Variants in ADAMTS3 observed in about 807,000 individuals in gnomAD.
ADAMTS3 encodes A disintegrin and metalloproteinase with thrombospondin motifs 3.
Under a neutral mutation model 129.0 loss-of-function variants are expected in ADAMTS3, and 73 were observed. The ratio of observed to expected loss-of-function variants is 0.57; its 90% CI spans 0.47 to 0.69. The LOEUF (loss-of-function observed/expected upper bound fraction) is 0.69, where lower values mean the gene tolerates loss of function less well. Ranked by LOEUF, ADAMTS3 falls within the 30% of genes least tolerant of loss-of-function variation. The probability of loss-of-function intolerance (pLI) is 0.00; values close to 1 mark genes in which losing one functional copy is unlikely to be tolerated. For synonymous variants in ADAMTS3, 477 were observed against 510.8 expected, an observed-to-expected ratio of 0.93 and a Z score of 0.89; for missense variants, 1,457 against 1,514.5, an observed-to-expected ratio of 0.96 and a Z score of 0.63.
At chr4:72,422,069 A>C (rs1722460831) in intron 3 of ADAMTS3, among the ~76,000 whole-genome samples, 1 of 152,300 alleles carries the variant, frequency 6.6e-6, no homozygotes, top group East Asian at 1.9e-4. Context: ...TTTATTTCAC[A>C]GGATACATTT....
intron 3 of ADAMTS3, among the ~76,000 whole-genome samples, chr4:72,455,005 G>C (rs141784472): frequency 1.3e-5 from 2 of 151,762 alleles, no homozygotes; most frequent in African/African-American, 4.8e-5. Context: ...GAATTCATCA[G>C]AATTCCTGTT....
rs1165943155 is a variant in ADAMTS3, at chr4:72,281,578, C to A, written c.*1558G>T. 6.6e-6 allele frequency: 1 copy of A among 152,122 alleles called. No homozygotes were observed. The highest frequency in any genetic ancestry group is 6.5e-5 in the Admixed American group (1 of 15,268). 9.4% of individuals were successfully genotyped at this position (152,122 alleles called of 1,614,324 possible). ...CATTGAACAGCTAGCTGAGTCCATA[C>A]AATTTAATGTTTCCTTGAAGGGAAA... On this transcript the variant is annotated 3_prime_UTR_variant, in exon 22 of 22. Coordinates refer to ENST00000286657, the MANE Select transcript of ADAMTS3 (RefSeq NM_014243.3).
intron 8 of ADAMTS3, 79 bp from the exon 9 acceptor site, chr4:72,319,554 G>A: frequency 6.7e-7 from 1 of 1,486,348 alleles, no homozygotes. Context: ...AATAAGCCCT[G>A]GGAAATAACG....
At chr4:72,318,733 T>C in intron 9 of ADAMTS3, 29 bp from the exon 10 acceptor site, 2 of 1,598,648 alleles carry the variant, frequency 1.3e-6, no homozygotes, top group Non-Finnish European at 1.7e-6. Context: ...TGCATGTAGT[T>C]AAATGTTCAC....
chr4:72,542,956 G>A (rs1249066353), intron 3 of ADAMTS3, among the ~76,000 whole-genome samples: 1 of 151,946 alleles, frequency 6.6e-6, no homozygotes, highest in Non-Finnish European at 1.5e-5. Flanking sequence ...TGCTTTTTAT[G>A]GTGTCTTTTT....
At chr4:72,501,954 A>G (rs1020154922) in intron 3 of ADAMTS3, among the ~76,000 whole-genome samples, 2 of 34,016 alleles carry the variant, frequency 5.9e-5, no homozygotes, top group African/African-American at 9.3e-5. Flanking sequence ...GCATCCCAGC[A>G]ATGAAGCCTA....
chr4:72,366,669 C>T (rs1028248270), intron 4 of ADAMTS3, among the ~76,000 whole-genome samples: 3 of 151,966 alleles, frequency 2.0e-5, no homozygotes, highest in Admixed American at 6.6e-5. Context: ...TAGTCCTCTT[C>T]AGGACATTAA....
intron 5 of ADAMTS3, among the ~76,000 whole-genome samples, chr4:72,338,712 A>C (rs1720053456): frequency 6.6e-6 from 1 of 152,124 alleles, no homozygotes; most frequent in Admixed American, 6.6e-5. Context: ...TAAATTTGCA[A>C]GATCAATATA....
At chr4:72,314,797 A>G (rs1719346242) in intron 11 of ADAMTS3, among the ~76,000 whole-genome samples, 1 of 152,156 alleles carries the variant, frequency 6.6e-6, no homozygotes, top group East Asian at 1.9e-4. Flanking sequence ...GACAGGTTTT[A>G]TTATTATTAT....
At chr4:72,423,475 C>T (rs892920775) in intron 3 of ADAMTS3, among the ~76,000 whole-genome samples, 4 of 152,138 alleles carry the variant, frequency 2.6e-5, no homozygotes, top group African/African-American at 9.7e-5. Flanking sequence ...TTTCCTCAAA[C>T]ATCTGTTCTA....
chr4:72,331,143 C>T lies in ADAMTS3; in HGVS notation c.862-8046G>A, dbSNP rs145656820. Among the ~76,000 whole-genome samples, 530 of 152,256 alleles carry T rather than the reference C, an allele frequency of 3.5e-3. 6 individuals carry two copies. The highest frequency in any genetic ancestry group is 0.012 in the African/African-American group (513 of 41,552). ...CGAAGGGACCTCTTAGTCAGCAATACTGTGTGGATGTTGTGTTACGTTAAG... is the reference window on the plus strand; with the variant it reads ...CGAAGGGACCTCTTAGTCAGCAATATTGTGTGGATGTTGTGTTACGTTAAG... On this transcript the variant is annotated intron_variant, in intron 5 of 21. Coordinates refer to ENST00000286657, the MANE Select transcript of ADAMTS3 (RefSeq NM_014243.3).
intron 3 of ADAMTS3, among the ~76,000 whole-genome samples, chr4:72,449,516 C>T (rs764193425): frequency 1.3e-4 from 19 of 151,736 alleles, no homozygotes; most frequent in Non-Finnish European, 2.1e-4. Flanking sequence ...CTCCTTCCAG[C>T]TTTCTTATTA....
At chr4:72,468,346 A>G (rs1306929170) in intron 3 of ADAMTS3, among the ~76,000 whole-genome samples, 2 of 152,132 alleles carry the variant, frequency 1.3e-5, no homozygotes, top group African/African-American at 2.4e-5. Flanking sequence ...CTTAAGAAAA[A>G]TAAATCAGGA....
At chr4:72,391,355 C>T (rs1276242024) in intron 4 of ADAMTS3, among the ~76,000 whole-genome samples, 1 of 152,032 alleles carries the variant, frequency 6.6e-6, no homozygotes, top group African/African-American at 2.4e-5. Flanking sequence ...TGGAGAAGAA[C>T]AGGAGGAAAA....
At chr4:72,318,509 C>A (rs539615984) in intron 10 of ADAMTS3, 63 bp downstream of exon 10, 18 of 1,559,882 alleles carry the variant, frequency 1.2e-5, no homozygotes, top group Non-Finnish European at 1.4e-5. Flanking sequence ...TAAATCTCAC[C>A]AAGCAGGAGC....
chr4:72,338,792 T>A (rs2109830793), intron 5 of ADAMTS3, among the ~76,000 whole-genome samples: 1 of 152,218 alleles, frequency 6.6e-6, no homozygotes, highest in African/African-American at 2.4e-5. Flanking sequence ...CTTTTAGAAG[T>A]AGGTGGTTTA....
intron 3 of ADAMTS3, among the ~76,000 whole-genome samples, chr4:72,426,677 G>A (rs546274722): frequency 6.6e-6 from 1 of 152,192 alleles, no homozygotes; most frequent in Admixed American, 6.5e-5. Context: ...ACTTAAGCCA[G>A]GAGTTTGAGA....
chr4:72,563,782 A>C (rs1721960233), intron 2 of ADAMTS3, among the ~76,000 whole-genome samples: 1 of 152,206 alleles, frequency 6.6e-6, no homozygotes, highest in South Asian at 2.1e-4. Context: ...GATAAACCTT[A>C]ATATAATAAT....
chr4:72,440,626 G>A (rs1718087692), intron 3 of ADAMTS3, among the ~76,000 whole-genome samples: 1 of 151,684 alleles, frequency 6.6e-6, no homozygotes, highest in Non-Finnish European at 1.5e-5. Context: ...TTCGTAACAG[G>A]CACAGCAACC....
Sources: gnomAD v4.1 joint callset for allele counts (sites outside exome capture counted in the v4.1 genomes callset) on GRCh38, gnomAD v4.1.1 for gene constraint, MANE v1.5 for transcripts, NCBI Gene and HGNC (gene_info 2026-07-23, HGNC 2026-07-21) for gene names.